Variants in SUCLG2 observed in about 807,000 individuals in gnomAD.
The protein encoded by SUCLG2 is succinate-CoA ligase GDP-forming subunit beta.
A neutral mutation model predicts 47.9 loss-of-function variants in SUCLG2; 42 were observed. That is an observed-to-expected ratio of 0.88 (90% CI 0.69 to 1.14). The LOEUF (loss-of-function observed/expected upper bound fraction) is 1.14, where lower values mean the gene tolerates loss of function less well. Among genes scored for constraint, SUCLG2 ranks in the 50% most tolerant of loss-of-function variants. The pLI, the probability that SUCLG2 is intolerant of heterozygous loss-of-function variation, is 0.00. For synonymous variants in SUCLG2, 195 were observed against 197.3 expected (o/e 0.99, Z 0.10); for missense variants, 571 against 525.9 (o/e 1.09, Z -0.84).
chr3:67,408,804 G>A (rs1317867342), intron 9 of SUCLG2: 2 of 1,351,496 alleles, frequency 1.5e-6, no homozygotes, highest in Admixed American at 6.9e-5. Context: ...TAAACTCAAT[G>A]AGCTTAAACA....
chr3:67,576,281 G>T (rs2107247113), intron 2 of SUCLG2, among the ~76,000 whole-genome samples: 1 of 152,248 alleles, frequency 6.6e-6, no homozygotes, highest in African/African-American at 2.4e-5. Context: ...CAGGGATATT[G>T]TTCCTTTATA....
chr3:67,362,195 C>T (rs1454221111), intron 10 of SUCLG2, among the ~76,000 whole-genome samples: 1 of 152,136 alleles, frequency 6.6e-6, no homozygotes, highest in African/African-American at 2.4e-5. Flanking sequence ...CTCTCCACAC[C>T]CACTCCAGCA....
At chr3:67,601,848 G>A (rs1344554177) in intron 2 of SUCLG2, among the ~76,000 whole-genome samples, 6 of 152,008 alleles carry the variant, frequency 3.9e-5, no homozygotes, top group African/African-American at 1.4e-4. Context: ...TGGGCATGGT[G>A]GTGCACGCCT....
At chr3:67,557,218 A>G (rs1707185169) in intron 2 of SUCLG2, among the ~76,000 whole-genome samples, 1 of 152,190 alleles carries the variant, frequency 6.6e-6, no homozygotes, top group Admixed American at 6.5e-5. Flanking sequence ...CTCTACCTCT[A>G]CAATACTCAG....
At chr3:67,469,590 G>T (rs1001923170) in intron 9 of SUCLG2, among the ~76,000 whole-genome samples, 3 of 151,608 alleles carry the variant, frequency 2.0e-5, no homozygotes, top group African/African-American at 7.3e-5. Context: ...TTAGCTGGGT[G>T]TGGTGGCATG....
chr3:67,606,556 G>T (rs567185242), intron 2 of SUCLG2, among the ~76,000 whole-genome samples: 56 of 152,232 alleles, frequency 3.7e-4, no homozygotes, highest in Admixed American at 1.4e-3. Context: ...AAACAAAAAT[G>T]ATCCTTTCTT....
intron 10 of SUCLG2, among the ~76,000 whole-genome samples, chr3:67,395,305 T>C (rs2106800262): frequency 6.6e-6 from 1 of 151,962 alleles, no homozygotes; most frequent in South Asian, 2.1e-4. Context: ...ACACATAGGC[T>C]CAAAATAAAA....
rs1052486827 is a variant in SUCLG2, at chr3:67,360,883, G to C, written c.1184-115C>G. On this transcript the variant is annotated intron_variant, in intron 10 of 10. Transcript: ENST00000493112. ...ACTCCTATTCCTTAATGGAAACATC[G>C]TGTTACTGATTCTTCTCCCACTGGA... 10 of 856,040 alleles carry C rather than the reference G, an allele frequency of 1.2e-5. No homozygotes were observed. In the Admixed American group the frequency reaches 2.7e-4, roughly 23 times the overall value. The allele number at this position is 856,040 out of a possible 1,614,324, so 53.0% of individuals were successfully genotyped here.
At chr3:67,435,518 T>C (rs1327609309) in intron 9 of SUCLG2, among the ~76,000 whole-genome samples, 1 of 152,180 alleles carries the variant, frequency 6.6e-6, no homozygotes, top group Non-Finnish European at 1.5e-5. Context: ...GCAAAATTAC[T>C]ACACAGTTCA....
chr3:67,608,767 T>C (rs1346532831), intron 2 of SUCLG2, among the ~76,000 whole-genome samples: 1 of 151,718 alleles, frequency 6.6e-6, no homozygotes, highest in Non-Finnish European at 1.5e-5. Context: ...AATCTCAAAC[T>C]CGTGGGCTCA....
chr3:67,504,965 T>C (rs1044375294), intron 7 of SUCLG2, among the ~76,000 whole-genome samples: 3 of 152,248 alleles, frequency 2.0e-5, no homozygotes, highest in Non-Finnish European at 4.4e-5. Context: ...TTAATTTCTA[T>C]TGACTAAGTA....
At chr3:67,622,139 T>G (rs980969146) in intron 1 of SUCLG2, among the ~76,000 whole-genome samples, 1 of 152,168 alleles carries the variant, frequency 6.6e-6, no homozygotes, top group African/African-American at 2.4e-5. Context: ...AGCTAAGGAT[T>G]AATAAGATTG....
chr3:67,574,188 T>C (rs982271498), intron 2 of SUCLG2, among the ~76,000 whole-genome samples: 1 of 152,202 alleles, frequency 6.6e-6, no homozygotes, highest in Non-Finnish European at 1.5e-5. Flanking sequence ...TTTCTGCCTT[T>C]AAGGACTTGT....
intron 9 of SUCLG2, among the ~76,000 whole-genome samples, chr3:67,417,932 TG>T (rs1392833881): frequency 2.0e-5 from 3 of 152,196 alleles, no homozygotes; most frequent in Admixed American, 1.3e-4. Context: ...ATCTTTATAC[TG>T]GGGGACCTCA....
intron 2 of SUCLG2, among the ~76,000 whole-genome samples, chr3:67,562,474 C>T (rs1256168857): frequency 2.0e-4 from 31 of 152,124 alleles, no homozygotes; most frequent in Admixed American, 2.0e-3. Flanking sequence ...GACAGGGTTT[C>T]GCCATGTTGG....
At chr3:67,383,965 C>T (rs1702211272) in intron 10 of SUCLG2, among the ~76,000 whole-genome samples, 1 of 152,162 alleles carries the variant, frequency 6.6e-6, no homozygotes, top group Non-Finnish European at 1.5e-5. Flanking sequence ...TTCCTTGAAT[C>T]TTCCTCCTAG....
At chr3:67,449,861 G>T (rs1704012367) in intron 9 of SUCLG2, among the ~76,000 whole-genome samples, 1 of 152,110 alleles carries the variant, frequency 6.6e-6, no homozygotes, top group African/African-American at 2.4e-5. Context: ...TGATCCACCT[G>T]CATGGCCTCC....
At chr3:67,564,885 T>C (rs1707410422) in intron 2 of SUCLG2, among the ~76,000 whole-genome samples, 1 of 152,200 alleles carries the variant, frequency 6.6e-6, no homozygotes, top group Admixed American at 6.5e-5. Flanking sequence ...AATAAGCCTT[T>C]CGTGCTATTT....
At chr3:67,568,115 T>C (rs1575784426) in intron 2 of SUCLG2, among the ~76,000 whole-genome samples, 2 of 152,232 alleles carry the variant, frequency 1.3e-5, no homozygotes, top group Admixed American at 6.5e-5. Context: ...ACTGTGGTAT[T>C]AGAGTCACTG....
Sources: gnomAD v4.1 joint callset for allele counts (sites outside exome capture counted in the v4.1 genomes callset) on GRCh38, gnomAD v4.1.1 for gene constraint, MANE v1.5 for transcripts, NCBI Gene and HGNC (gene_info 2026-07-23, HGNC 2026-07-21) for gene names.